DPP6: variants seen among roughly 807,000 people sequenced by gnomAD.
The protein encoded by DPP6 is dipeptidyl peptidase like 6, also known as A-type potassium channel modulatory protein DPP6.
DPP6 carries 69 observed loss-of-function variants against 122.6 expected under a neutral mutation model. That is an observed-to-expected ratio of 0.56 (90% CI 0.46 to 0.69). DPP6 has a LOEUF of 0.69. Ranked by LOEUF, DPP6 falls within the 30% of genes least tolerant of loss-of-function variation. DPP6 has a pLI of 0.00. For missense variants in DPP6, 928 were observed against 1,116.9 expected, an observed-to-expected ratio of 0.83 and a Z score of 2.41; for synonymous variants, 418 against 433.1, an observed-to-expected ratio of 0.97 and a Z score of 0.43.
Position 154,052,763 on chromosome 7 carries a change from G to A in DPP6, c.-58G>A, listed in dbSNP as rs920195992. The A allele has an allele frequency of 1.9e-5, 26 of 1,394,758 alleles. No individual in the cohort carries two copies. Among genetic ancestry groups the A allele is most frequent in the Middle Eastern group, 2.0e-4 (1 of 5,112 alleles). The allele number at this position is 1,394,758 out of a possible 1,614,324, so 86.4% of individuals were successfully genotyped here. On this transcript the variant is annotated 5_prime_UTR_variant, in exon 1 of 26. Coordinates refer to ENST00000377770, the MANE Select transcript of DPP6 (RefSeq NM_130797.4). The surrounding 1 kb of genome is among the most constrained non-coding windows in gnomAD (Gnocchi z 4.8). ...TGGAGCGGGGTGGGGAGTGGGAACC[G>A]GAGAGAAAGCAAAATATTAAAAAGC...
At chr7:154,518,582 ATG>A (rs1448619455) in intron 3 of DPP6, among the ~76,000 whole-genome samples, 1 of 152,154 alleles carries the variant, frequency 6.6e-6, no homozygotes, top group East Asian at 1.9e-4. Flanking sequence ...TATTGGAAGT[ATG>A]TGAAATGGGA....
At chr7:153,900,814 A>G (rs1211408592) in intron 1 of DPP6, among the ~76,000 whole-genome samples, 1 of 152,182 alleles carries the variant, frequency 6.6e-6, no homozygotes, top group East Asian at 1.9e-4. Context: ...CCTTATCCGT[A>G]GCACGCTTTA....
chr7:154,151,511 C>T (rs1295328273), intron 1 of DPP6, among the ~76,000 whole-genome samples: 2 of 152,216 alleles, frequency 1.3e-5, no homozygotes, highest in South Asian at 2.1e-4. Context: ...TTGTGTTCGA[C>T]GGGAAGCAGA....
intron 1 of DPP6, among the ~76,000 whole-genome samples, chr7:154,077,983 A>T (rs1452859052): frequency 6.6e-6 from 1 of 152,156 alleles, no homozygotes; most frequent in East Asian, 1.9e-4. Flanking sequence ...GATTATAGAT[A>T]TAATTTTTCT....
At chr7:154,070,189 C>T (rs1803019630) in intron 1 of DPP6, among the ~76,000 whole-genome samples, 2 of 144,836 alleles carry the variant, frequency 1.4e-5, no homozygotes, top group African/African-American at 4.9e-5. Flanking sequence ...CCTAGAGCTC[C>T]ATACCGAGGT....
intron 1 of DPP6, among the ~76,000 whole-genome samples, chr7:154,206,320 C>G (rs959580468): frequency 8.5e-5 from 13 of 152,240 alleles, no homozygotes; most frequent in Non-Finnish European, 1.0e-4. Flanking sequence ...TTAGCAACCT[C>G]CTCTGGCATC....
chr7:154,130,856 C>T (rs59794011), intron 1 of DPP6, among the ~76,000 whole-genome samples: 2,639 of 152,198 alleles, frequency 0.017, 65 homozygotes, highest in African/African-American at 0.053. Flanking sequence ...CCCTGCAAGA[C>T]GCCAAAACAA....
chr7:154,608,136 C>G (rs2130793868), intron 5 of DPP6, among the ~76,000 whole-genome samples: 1 of 149,700 alleles, frequency 6.7e-6, no homozygotes, highest in South Asian at 2.2e-4. Context: ...TGTGCCACCA[C>G]ACCTGGCTAA....
chr7:153,930,802 G>A (rs1406229070), intron 1 of DPP6, among the ~76,000 whole-genome samples: 2 of 152,146 alleles, frequency 1.3e-5, no homozygotes, highest in Non-Finnish European at 2.9e-5. Context: ...ATGTTGTAAG[G>A]ACATGGTCTC....
intron 1 of DPP6, among the ~76,000 whole-genome samples, chr7:154,290,633 C>T (rs1805145021): frequency 7.2e-6 from 1 of 139,076 alleles, no homozygotes; most frequent in Non-Finnish European, 1.5e-5. Flanking sequence ...GTGACAAGAG[C>T]AAAACTCTGT....
At chr7:154,620,708 C>T (rs553954000) in intron 5 of DPP6, among the ~76,000 whole-genome samples, 128 of 152,314 alleles carry the variant, frequency 8.4e-4, no homozygotes, top group African/African-American at 2.9e-3. Flanking sequence ...ACGACGTCCC[C>T]GTCAGCAAGT....
chr7:154,651,158 C>T (rs969650738), intron 6 of DPP6, among the ~76,000 whole-genome samples: 1 of 152,050 alleles, frequency 6.6e-6, no homozygotes, highest in Non-Finnish European at 1.5e-5. Flanking sequence ...TAGCACTGCA[C>T]TAGGTACTAG....
intron 1 of DPP6, among the ~76,000 whole-genome samples, chr7:154,002,799 C>G (rs1487870043): frequency 2.0e-5 from 3 of 152,072 alleles, no homozygotes; most frequent in African/African-American, 7.2e-5. Flanking sequence ...GAAGGTAGGC[C>G]CAAGCCCAGA....
At chr7:153,759,901 C>A in the DPP6 span, among the ~76,000 whole-genome samples, 2 of 131,842 alleles carry the variant, frequency 1.5e-5, no homozygotes, top group Non-Finnish European at 3.0e-5. Flanking sequence ...CCACTTCTCT[C>A]TCTCTCTGTT....
At chr7:154,041,014 A>G (rs549224617) in intron 1 of DPP6, among the ~76,000 whole-genome samples, 49 of 152,296 alleles carry the variant, frequency 3.2e-4, no homozygotes, top group African/African-American at 1.1e-3. Context: ...TATAAAGTGC[A>G]GATAAACATA....
rs1200032656 is a variant in DPP6, at chr7:154,483,925, C to A, written c.457+8888C>A. Among the ~76,000 whole-genome samples, 1 of 152,158 alleles carries A rather than the reference C, an allele frequency of 6.6e-6. No homozygotes were observed. Among genetic ancestry groups the A allele is most frequent in the Admixed American group, 6.5e-5 (1 of 15,284 alleles). On this transcript the variant is annotated intron_variant, in intron 3 of 25. Coordinates refer to ENST00000377770, the MANE Select transcript of DPP6 (RefSeq NM_130797.4). The surrounding 1 kb of genome is among the most constrained non-coding windows in gnomAD (Gnocchi z 8.1). ...GCTCAGGCTGGTCTTGAACTCCTGA[C>A]CTCGTGATCTGCCCGCCTCAGCCTC...
intron 1 of DPP6, among the ~76,000 whole-genome samples, chr7:154,142,759 T>C (rs2150665529): frequency 6.7e-6 from 1 of 149,108 alleles, no homozygotes; most frequent in Admixed American, 6.7e-5. Context: ...CATTTTTGCA[T>C]TTTTCTACTC....
chr7:154,676,398 CGG>C, intron 7 of DPP6, among the ~76,000 whole-genome samples: 3 of 107,720 alleles, frequency 2.8e-5, no homozygotes, highest in African/African-American at 5.6e-5. Flanking sequence ...ACAGGTGTTC[CGG>C]CTACAGCCTT....
chr7:153,894,459 T>C, intron 1 of DPP6, among the ~76,000 whole-genome samples: 1 of 152,076 alleles, frequency 6.6e-6, no homozygotes, highest in East Asian at 1.9e-4. Context: ...CCCTTTACCA[T>C]TGTGGCTTCC....
Sources: allele counts gnomAD v4.1 joint callset (sites outside exome capture counted in the v4.1 genomes callset), GRCh38; gene constraint gnomAD v4.1.1; non-coding constraint Gnocchi (gnomAD v3.1); transcripts MANE v1.5; gene names NCBI Gene and HGNC (gene_info 2026-07-23, HGNC 2026-07-21).